PEMT: variants seen among roughly 807,000 people sequenced by gnomAD.
PEMT encodes phospholipid methyltransferase.
PEMT carries 23 observed loss-of-function variants against 27.4 expected under a neutral mutation model. That is an observed-to-expected ratio of 0.84 (90% CI 0.60 to 1.19). The LOEUF (loss-of-function observed/expected upper bound fraction) is 1.19, where lower values mean the gene tolerates loss of function less well. PEMT is among the 50% of genes most tolerant of loss of function. The probability of loss-of-function intolerance (pLI) is 0.00; values close to 1 mark genes in which losing one functional copy is unlikely to be tolerated. For synonymous variants in PEMT, 137 were observed against 139.1 expected, an observed-to-expected ratio of 0.98 and a Z score of 0.11; for missense variants, 307 against 310.1, an observed-to-expected ratio of 0.99 and a Z score of 0.07.
At chr17:17,591,383 G>T (rs952016254) in intron 1 of PEMT, 148 bp downstream of exon 1, 4 of 671,514 alleles carry the variant, frequency 6.0e-6, no homozygotes, top group Non-Finnish European at 1.0e-5. Flanking sequence ...TCCCGCACGC[G>T]GCTCCCCCAC....
At chr17:17,516,266 C>T (rs928349958) in intron 3 of PEMT, among the ~76,000 whole-genome samples, 11 of 152,006 alleles carry the variant, frequency 7.2e-5, no homozygotes, top group African/African-American at 2.7e-4. Context: ...ATTTCTTTTC[C>T]AAGACATATT....
At chr17:17,535,560 G>A (rs901650417) in intron 2 of PEMT, among the ~76,000 whole-genome samples, 2 of 103,898 alleles carry the variant, frequency 1.9e-5, no homozygotes, top group Non-Finnish European at 4.0e-5. Context: ...CTGAGACTCC[G>A]TCTCAAGAAA....
chr17:17,579,453 G>A (rs371895579), intron 1 of PEMT, among the ~76,000 whole-genome samples: 1 of 152,174 alleles, frequency 6.6e-6, no homozygotes, highest in Non-Finnish European at 1.5e-5. Context: ...CGAGGTGGGC[G>A]GATCACCTGA....
chr17:17,586,767 C>G (rs1046258223), intron 1 of PEMT, among the ~76,000 whole-genome samples: 1 of 152,126 alleles, frequency 6.6e-6, no homozygotes, highest in Non-Finnish European at 1.5e-5. Flanking sequence ...CTTTGGGAGG[C>G]TGAAGCAGGC....
chr17:17,553,050 A>T (rs775118229), intron 2 of PEMT, among the ~76,000 whole-genome samples: 5 of 152,214 alleles, frequency 3.3e-5, no homozygotes, highest in African/African-American at 1.2e-4. Context: ...ACCAGCATGC[A>T]GGTTTCCATT....
chr17:17,520,578 A>G (rs1003489144), intron 3 of PEMT, among the ~76,000 whole-genome samples: 2 of 152,240 alleles, frequency 1.3e-5, no homozygotes, highest in Non-Finnish European at 2.9e-5. Context: ...AGAAGATTGT[A>G]AGCATGCAGG....
chr17:17,586,205 A>T (rs1368365350), intron 1 of PEMT, among the ~76,000 whole-genome samples: 1 of 142,166 alleles, frequency 7.0e-6, no homozygotes, highest in South Asian at 2.1e-4. Context: ...AAGGAAAGAA[A>T]GAAAGAAAGA....
Position 17,528,918 on chromosome 17 carries a change from C to T in PEMT, c.205-6523G>A, listed in dbSNP as rs574791189. Among the ~76,000 whole-genome samples, 30 of 152,358 alleles carry T rather than the reference C, an allele frequency of 2.0e-4. No individual in the cohort carries two copies. In the South Asian group the frequency reaches 6.0e-3, roughly 31 times the overall value. On this transcript the variant is annotated intron_variant, in intron 2 of 6. Coordinates refer to ENST00000255389, the MANE Select transcript of PEMT (RefSeq NM_148172.3). ...AGGACAGCCCATCGAGGCATTTCCT[C>T]CCCAGCCCCAGATCAAGGTCACTGT... is the stretch of plus-strand genomic sequence containing the variant.
intron 1 of PEMT, among the ~76,000 whole-genome samples, chr17:17,584,270 C>T (rs1597968014): frequency 6.6e-6 from 1 of 152,316 alleles, no homozygotes; most frequent in East Asian, 1.9e-4. Flanking sequence ...CGCCATTCTC[C>T]TGCCTCAGCC....
chr17:17,539,473 GGTATGAT>G (rs1378013456), intron 2 of PEMT, among the ~76,000 whole-genome samples: 2 of 152,172 alleles, frequency 1.3e-5, no homozygotes, highest in African/African-American at 4.8e-5. Flanking sequence ...TCCTGCACTT[GGTATGAT>G]GCCTCTGCGA....
At chr17:17,584,913 G>T (rs1194397835) in intron 1 of PEMT, among the ~76,000 whole-genome samples, 2 of 152,234 alleles carry the variant, frequency 1.3e-5, no homozygotes, top group African/African-American at 4.8e-5. Flanking sequence ...AGGATTAAAT[G>T]AGAAAGTGCA....
intron 2 of PEMT, among the ~76,000 whole-genome samples, chr17:17,567,866 TGCAAGAGGCCCTG>T (rs1910936054): frequency 6.6e-6 from 1 of 152,220 alleles, no homozygotes; most frequent in African/African-American, 2.4e-5. Flanking sequence ...TTCCCGCAAG[TGCAAGAGGCCCTG>T]GCAGAGGACG....
At chr17:17,585,375 G>GTGAGA (rs1363219194) in intron 1 of PEMT, among the ~76,000 whole-genome samples, 1 of 152,048 alleles carries the variant, frequency 6.6e-6, no homozygotes, top group Non-Finnish European at 1.5e-5. Context: ...GTGAGGTGAG[G>GTGAGA]TATGAAGCAA....
chr17:17,511,639 G>A (rs1448438242), intron 4 of PEMT, among the ~76,000 whole-genome samples: 1 of 152,248 alleles, frequency 6.6e-6, no homozygotes, highest in Non-Finnish European at 1.5e-5. Flanking sequence ...ACTGGCCAGG[G>A]CTGATGGGGA....
chr17:17,551,029 C>T (rs777373251), intron 2 of PEMT, among the ~76,000 whole-genome samples: 2 of 152,182 alleles, frequency 1.3e-5, no homozygotes, highest in Non-Finnish European at 2.9e-5. Flanking sequence ...TTTAATTTAG[C>T]ACTGTGCATA....
intron 2 of PEMT, among the ~76,000 whole-genome samples, chr17:17,539,463 T>C (rs1312314736): frequency 6.6e-6 from 1 of 152,196 alleles, no homozygotes; most frequent in Non-Finnish European, 1.5e-5. Context: ...GGCTGTGGCA[T>C]CCTGCACTTG....
chr17:17,566,288 T>C (rs1167748406), intron 2 of PEMT, among the ~76,000 whole-genome samples: 1 of 151,932 alleles, frequency 6.6e-6, no homozygotes, highest in Admixed American at 6.6e-5. Flanking sequence ...GCCAAGCGGG[T>C]TGTGCGTGAT....
At chr17:17,559,260 G>A (rs1910294687) in intron 2 of PEMT, among the ~76,000 whole-genome samples, 1 of 152,158 alleles carries the variant, frequency 6.6e-6, no homozygotes, top group Admixed American at 6.5e-5. Context: ...GAGGCAGTGG[G>A]GTCTGAAGGA....
At chr17:17,590,987 G>A (rs1035582074) in intron 1 of PEMT, among the ~76,000 whole-genome samples, 1 of 152,120 alleles carries the variant, frequency 6.6e-6, no homozygotes, top group African/African-American at 2.4e-5. Flanking sequence ...GCCCAGGGCC[G>A]GCTGGGAGAC....
Sources: allele counts gnomAD v4.1 joint callset (sites outside exome capture counted in the v4.1 genomes callset), GRCh38; gene constraint gnomAD v4.1.1; transcripts MANE v1.5; gene names NCBI Gene and HGNC (gene_info 2026-07-23, HGNC 2026-07-21).